The following ZNF91 variants were observed in gnomAD, a reference collection of about 807,000 sequenced individuals.
ZNF91 encodes zinc finger protein 91 (HPF7, HTF10).
A neutral mutation model predicts 12.6 loss-of-function variants in ZNF91; 7 were observed. That is an observed-to-expected ratio of 0.55 (90% confidence interval 0.31 to 1.04). ZNF91 has a LOEUF of 1.04. ZNF91 is among the 50% of genes least tolerant of loss of function. ZNF91 has a pLI of 0.05. For missense variants in ZNF91, 1,217 were observed against 1,385.4 expected, an observed-to-expected ratio of 0.88 and a Z score of 1.93; for synonymous variants, 453 against 462.6, an observed-to-expected ratio of 0.98 and a Z score of 0.27.
At chr19:23,350,861 C>T (rs992866428) in intron 3 of ZNF91, among the ~76,000 whole-genome samples, 12 of 152,152 alleles carry the variant, frequency 7.9e-5, no homozygotes, top group African/African-American at 2.7e-4. Flanking sequence ...CTGCCCTGTC[C>T]TTACTTGGGG....
chr19:23,323,541 T>TC, intron 1 of ZNF91, among the ~76,000 whole-genome samples: 1 of 149,806 alleles, frequency 6.7e-6, no homozygotes, highest in African/African-American at 2.5e-5. Context: ...CCTTTTCCTT[T>TC]TTCTCTCCTC....
At chr19:23,322,784 T>G (rs1397909087) in intron 1 of ZNF91, among the ~76,000 whole-genome samples, 1 of 115,740 alleles carries the variant, frequency 8.6e-6, no homozygotes, top group Non-Finnish European at 1.8e-5. Context: ...CCCCTCTTCT[T>G]CCTCACCTCC....
At position 23,360,822 on chromosome 19, in the gene ZNF91, A is replaced by G. The variant is rs1568384002; in HGVS notation, c.2157T>C (p.Cys719=). 1 of 1,613,514 alleles carries G rather than the reference A, an allele frequency of 6.2e-7. No homozygotes were observed. The highest frequency in any genetic ancestry group is 2.2e-5 in the East Asian group (1 of 44,822). The change falls in exon 4 of 4, where the codon TGT becomes TGC. Residue 719 remains cysteine (C), a synonymous_variant. Transcript: ENST00000300619. ...TTGAAGATCGATTAAAAGCTTTGCCACATTCTTCACATTTGTAGAGTTTCT... is the reference window on the plus strand; with the variant it reads ...TTGAAGATCGATTAAAAGCTTTGCCGCATTCTTCACATTTGTAGAGTTTCT... ...AGEKLYKCEE[C]GKAFNRSSNL...
chr19:23,380,080 C>G (rs1026907953), intron 1 of ZNF91, among the ~76,000 whole-genome samples: 2 of 151,610 alleles, frequency 1.3e-5, no homozygotes, highest in African/African-American at 4.8e-5. Context: ...CATAGTGAAG[C>G]CCCATCTCCA....
At chr19:23,332,131 G>C (rs1375674525) in intron 1 of ZNF91, among the ~76,000 whole-genome samples, 1 of 152,172 alleles carries the variant, frequency 6.6e-6, no homozygotes, top group Non-Finnish European at 1.5e-5. Flanking sequence ...ATATAAACCA[G>C]AAGTTAAATC....
At chr19:23,340,616 C>T (rs1568373416) in intron 3 of ZNF91, among the ~76,000 whole-genome samples, 1 of 151,882 alleles carries the variant, frequency 6.6e-6, no homozygotes, top group Non-Finnish European at 1.5e-5. Context: ...AATAATAATC[C>T]TCCTGAAACT....
At chr19:23,312,543 A>G (rs1568364162), upstream of ZNF91, among the ~76,000 whole-genome samples, 1 of 152,204 alleles carries the variant, frequency 6.6e-6, no homozygotes, top group Non-Finnish European at 1.5e-5. Context: ...AAAGCCCATT[A>G]TTGAGGTCCT....
chr19:23,336,145 T>C (rs1968004094), downstream of ZNF91, among the ~76,000 whole-genome samples: 1 of 152,212 alleles, frequency 6.6e-6, no homozygotes, highest in Non-Finnish European at 1.5e-5. Flanking sequence ...TTTTAACTAA[T>C]ATATTAATTT....
At chr19:23,337,563 C>T (rs1337285316), downstream of ZNF91, among the ~76,000 whole-genome samples, 1 of 149,512 alleles carries the variant, frequency 6.7e-6, no homozygotes, top group African/African-American at 2.5e-5. Flanking sequence ...AATATAAAGA[C>T]ACATAAAGAC....
chr19:23,376,164 T>C (rs984135694), intron 1 of ZNF91, among the ~76,000 whole-genome samples: 6 of 152,310 alleles, frequency 3.9e-5, no homozygotes, highest in African/African-American at 1.2e-4. Flanking sequence ...CTCAACATTA[T>C]ATGTTCTCCA....
chr19:23,368,375 C>T (rs904450519), intron 3 of ZNF91, among the ~76,000 whole-genome samples: 7 of 123,926 alleles, frequency 5.6e-5, no homozygotes, highest in Admixed American at 8.2e-5. Flanking sequence ...ATTAGCCAGG[C>T]GGGGCGGCAC....
chr19:23,311,819 G>A (rs1450888900), upstream of ZNF91, among the ~76,000 whole-genome samples: 1 of 151,884 alleles, frequency 6.6e-6, no homozygotes, highest in African/African-American at 2.4e-5. Flanking sequence ...TCTCCTGCAT[G>A]GGTCCTGCCC....
upstream of ZNF91, among the ~76,000 whole-genome samples, chr19:23,311,276 C>G (rs1161280777): frequency 6.6e-6 from 1 of 152,196 alleles, no homozygotes; most frequent in Non-Finnish European, 1.5e-5. Context: ...TGCGCTGCAT[C>G]CAGGTGATGT....
chr19:23,342,043 A>G, intron 3 of ZNF91: 1 of 311,870 alleles, frequency 3.2e-6, no homozygotes, highest in Non-Finnish European at 5.9e-6. Flanking sequence ...GAGCTAGAGA[A>G]ATAAATGGCT....
intron 1 of ZNF91, chr19:23,325,823 A>C (rs919085128): frequency 6.6e-6 from 1 of 152,258 alleles, no homozygotes; most frequent in Non-Finnish European, 1.5e-5. Context: ...ACTGCTGTTT[A>C]TCTTCCACCC....
At chr19:23,351,830 C>A (rs534428949) in intron 3 of ZNF91, among the ~76,000 whole-genome samples, 2 of 152,100 alleles carry the variant, frequency 1.3e-5, no homozygotes, top group African/African-American at 2.4e-5. Context: ...GAAAGGGAGA[C>A]CCTCCTCTCC....
At chr19:23,348,664 G>A (rs967050843) in intron 3 of ZNF91, among the ~76,000 whole-genome samples, 2 of 152,102 alleles carry the variant, frequency 1.3e-5, no homozygotes, top group Non-Finnish European at 2.9e-5. Context: ...TATGAAATCA[G>A]GGCACCCTGA....
intron 1 of ZNF91, chr19:23,384,944 A>G: frequency 1.2e-6 from 1 of 844,022 alleles, no homozygotes; most frequent in Non-Finnish European, 2.1e-6. Context: ...CGGCCAGCAA[A>G]GTTGCCAAGG....
intron 3 of ZNF91, among the ~76,000 whole-genome samples, chr19:23,370,004 A>T (rs867272567): frequency 0.17 from 24,373 of 145,364 alleles, 2,216 homozygotes; most frequent in Middle Eastern, 0.22. Flanking sequence ...TGATCAATAA[A>T]AAAAAAAAAA....
Sources: gnomAD v4.1 joint callset for allele counts (sites outside exome capture counted in the v4.1 genomes callset) on GRCh38, gnomAD v4.1.1 for gene constraint, MANE v1.5 for transcripts, NCBI Gene and HGNC (gene_info 2026-07-23, HGNC 2026-07-21) for gene names.